RIT2: variants seen among roughly 807,000 people sequenced by gnomAD.
RIT2 encodes GTP-binding protein Rit2.
A neutral mutation model predicts 23.7 loss-of-function variants in RIT2; 24 were observed. That is an observed-to-expected ratio of 1.01 (90% CI 0.73 to 1.43). The LOEUF (loss-of-function observed/expected upper bound fraction) is 1.43, where lower values mean the gene tolerates loss of function less well. RIT2 is among the 40% of genes most tolerant of loss of function. The probability of loss-of-function intolerance (pLI) is 0.00; values close to 1 mark genes in which losing one functional copy is unlikely to be tolerated. For missense variants in RIT2, 236 were observed against 266.9 expected, an observed-to-expected ratio of 0.88 and a Z score of 0.81; for synonymous variants, 107 against 91.1, an observed-to-expected ratio of 1.17 and a Z score of -0.99.
chr18:43,034,453 T>G (rs1911930255), intron 1 of RIT2, among the ~76,000 whole-genome samples: 1 of 152,190 alleles, frequency 6.6e-6, no homozygotes, highest in Admixed American at 6.6e-5. Context: ...TCCACATTAT[T>G]TCCAAACCTA....
At chr18:42,958,990 T>G (rs1293337435) in intron 3 of RIT2, among the ~76,000 whole-genome samples, 1 of 152,190 alleles carries the variant, frequency 6.6e-6, no homozygotes, top group South Asian at 2.1e-4. Context: ...CTCAAGATCA[T>G]GTCTTAAAGC....
At chr18:42,989,968 T>C (rs1910801506) in intron 2 of RIT2, among the ~76,000 whole-genome samples, 1 of 151,848 alleles carries the variant, frequency 6.6e-6, no homozygotes, top group Admixed American at 6.6e-5. Context: ...ATATATTATG[T>C]ATTTTCCAGC....
intron 4 of RIT2, among the ~76,000 whole-genome samples, chr18:42,910,527 TGTAC>T (rs1272241540): frequency 6.6e-6 from 1 of 151,984 alleles, no homozygotes; most frequent in African/African-American, 2.4e-5. Flanking sequence ...CCCGCTAATG[TGTAC>T]GTATATAAAC....
intron 4 of RIT2, among the ~76,000 whole-genome samples, chr18:42,759,472 C>T (rs1913245030): frequency 6.6e-6 from 1 of 151,846 alleles, no homozygotes; most frequent in Non-Finnish European, 1.5e-5. Flanking sequence ...TTTTTATTAC[C>T]CTGTCTCTTT....
intron 4 of RIT2, among the ~76,000 whole-genome samples, chr18:42,837,236 C>T (rs1906639471): frequency 8.5e-6 from 1 of 118,190 alleles, no homozygotes; most frequent in African/African-American, 3.1e-5. Flanking sequence ...GGCGTGATCT[C>T]AGCTCACTGC....
chr18:42,972,116 A>AC (rs1443411820), intron 3 of RIT2, among the ~76,000 whole-genome samples: 1 of 151,540 alleles, frequency 6.6e-6, no homozygotes, highest in East Asian at 1.9e-4. Context: ...GTTGCTACAA[A>AC]CCCCCTATTA....
At chr18:43,051,129 C>T (rs1912371760) in intron 1 of RIT2, among the ~76,000 whole-genome samples, 1 of 152,034 alleles carries the variant, frequency 6.6e-6, no homozygotes, top group Admixed American at 6.6e-5. Flanking sequence ...CTGACGGTAT[C>T]TCCAAGTAGA....
chr18:42,988,459 C>T (rs569353434), intron 2 of RIT2, among the ~76,000 whole-genome samples: 4 of 152,052 alleles, frequency 2.6e-5, no homozygotes, highest in East Asian at 1.9e-4. Context: ...CATTTCTGAC[C>T]GTGTTGGTGA....
intron 3 of RIT2, among the ~76,000 whole-genome samples, chr18:42,929,323 G>A (rs1192599568): frequency 2.6e-5 from 4 of 152,060 alleles, no homozygotes; most frequent in Non-Finnish European, 4.4e-5. Context: ...TGCAGTATCA[G>A]GTTCTCTAAG....
At chr18:42,837,822 A>T (rs1292774357) in intron 4 of RIT2, among the ~76,000 whole-genome samples, 1 of 152,094 alleles carries the variant, frequency 6.6e-6, no homozygotes, top group East Asian at 1.9e-4. Flanking sequence ...CTTTTAATTG[A>T]TATTAAACCA....
At chr18:43,071,444 G>A (rs536249859) in intron 1 of RIT2, among the ~76,000 whole-genome samples, 1 of 152,266 alleles carries the variant, frequency 6.6e-6, no homozygotes, top group South Asian at 2.1e-4. Flanking sequence ...GCTAACAATT[G>A]GAGGATACCC....
At chr18:43,079,404 A>G (rs1215043624) in intron 1 of RIT2, among the ~76,000 whole-genome samples, 1 of 152,150 alleles carries the variant, frequency 6.6e-6, no homozygotes, top group Non-Finnish European at 1.5e-5. Context: ...CGCTATAAAC[A>G]TTTTTGTGGC....
At chr18:43,022,447 T>C (rs1911618799) in intron 2 of RIT2, among the ~76,000 whole-genome samples, 1 of 152,230 alleles carries the variant, frequency 6.6e-6, no homozygotes, top group East Asian at 1.9e-4. Context: ...AGCTAGAATG[T>C]AGGACTTGAA....
At chr18:42,796,178 C>T (rs1399419512) in intron 4 of RIT2, among the ~76,000 whole-genome samples, 1 of 152,130 alleles carries the variant, frequency 6.6e-6, no homozygotes, top group East Asian at 1.9e-4. Context: ...GTAACACTCA[C>T]GGCGAAGGTC....
intron 4 of RIT2, among the ~76,000 whole-genome samples, chr18:42,848,956 T>G (rs1373010129): frequency 6.6e-6 from 1 of 152,236 alleles, no homozygotes; most frequent in East Asian, 1.9e-4. Context: ...TATCCACTTG[T>G]ACTTATGAAA....
intron 3 of RIT2, among the ~76,000 whole-genome samples, chr18:42,952,217 T>A (rs924829329): frequency 1.4e-4 from 21 of 152,156 alleles, no homozygotes; most frequent in Admixed American, 2.6e-4. Context: ...AAGGAAATCC[T>A]GCCATTTATA....
intron 2 of RIT2, among the ~76,000 whole-genome samples, chr18:43,008,864 G>C (rs994533396): frequency 2.0e-5 from 3 of 151,576 alleles, no homozygotes; most frequent in African/African-American, 7.3e-5. Context: ...ATACACAAAA[G>C]ATTCAGAAAT....
At chr18:43,095,717 C>A (rs1039868516) in intron 1 of RIT2, among the ~76,000 whole-genome samples, 2 of 151,898 alleles carry the variant, frequency 1.3e-5, no homozygotes, top group African/African-American at 4.8e-5. Context: ...TAACTGCACT[C>A]GCTGATTTGA....
At chr18:42,860,612 T>C (rs1211594765) in intron 4 of RIT2, among the ~76,000 whole-genome samples, 2 of 152,128 alleles carry the variant, frequency 1.3e-5, no homozygotes, top group African/African-American at 2.4e-5. Flanking sequence ...ATGGGGAGAA[T>C]AGACTGAGAA....
Sources: gnomAD v4.1 joint callset for allele counts (sites outside exome capture counted in the v4.1 genomes callset) on GRCh38, gnomAD v4.1.1 for gene constraint, MANE v1.5 for transcripts, NCBI Gene and HGNC (gene_info 2026-07-23, HGNC 2026-07-21) for gene names.